The following PPARG variants were observed in gnomAD, a reference collection of about 807,000 sequenced individuals.
The protein encoded by PPARG is peroxisome proliferator-activated receptor gamma.
A neutral mutation model predicts 39.2 loss-of-function variants in PPARG; 17 were observed. The ratio of observed to expected loss-of-function variants is 0.43; its 90% CI spans 0.30 to 0.65. The LOEUF (loss-of-function observed/expected upper bound fraction) is 0.65, where lower values mean the gene tolerates loss of function less well. PPARG is among the 30% of genes least tolerant of loss of function. The probability of loss-of-function intolerance (pLI) is 0.13; values close to 1 mark genes in which losing one functional copy is unlikely to be tolerated. For synonymous variants in PPARG, 223 were observed against 215.7 expected (o/e 1.03, Z -0.30); for missense variants, 406 against 585.9 (o/e 0.69, Z 3.17).
intron 4 of PPARG, among the ~76,000 whole-genome samples, chr3:12,382,858 C>A (rs576043458): frequency 1.2e-4 from 19 of 152,114 alleles, no homozygotes; most frequent in Non-Finnish European, 2.4e-4. Flanking sequence ...GTAGTCCTAG[C>A]TTCTTGGGAG....
At chr3:12,429,413 G>A (rs2051573272) in intron 7 of PPARG, among the ~76,000 whole-genome samples, 1 of 152,188 alleles carries the variant, frequency 6.6e-6, no homozygotes, top group African/African-American at 2.4e-5. Context: ...GACCCCAGTG[G>A]TGCTGCTCAA....
At position 12,406,153 on chromosome 3, in the gene PPARG, T is replaced by C. The variant is rs983566208; in HGVS notation, c.729+72T>C. On this transcript the variant is annotated intron_variant, in intron 6 of 7. Transcript: ENST00000651735. ...TTGGGTTTTTGTTTCTTTGAGTAAA[T>C]GGTTTACTGCGCTACAAATGCACAC... The C allele has an allele frequency of 3.6e-6, 5 of 1,389,182 alleles. No homozygotes were observed. The African/African-American group carries it at 4.3e-5, about 12-fold the overall frequency. 86.1% of individuals were successfully genotyped at this position (1,389,182 alleles called of 1,614,324 possible). A position where few individuals can be genotyped will look rare whatever the true frequency, so the allele number is the denominator to read the frequency against.
At chr3:12,405,742 G>C (rs1348514518) in intron 5 of PPARG, 140 bp from the exon 6 acceptor site, 1 of 812,592 alleles carries the variant, frequency 1.2e-6, no homozygotes, top group Non-Finnish European at 2.0e-6. Flanking sequence ...CATGAGCAAA[G>C]TGGTAGACAG....
At chr3:12,288,993 G>T (rs934277869), upstream of PPARG, 1 of 152,376 alleles carries the variant, frequency 6.6e-6, no homozygotes, top group Non-Finnish European at 1.5e-5. Flanking sequence ...TTAGGGAGGA[G>T]CCTAAGGTAA....
At chr3:12,352,157 A>G (rs976632636) in intron 2 of PPARG, among the ~76,000 whole-genome samples, 1 of 152,168 alleles carries the variant, frequency 6.6e-6, no homozygotes, top group Admixed American at 6.5e-5. Flanking sequence ...TTGTGTGTGC[A>G]CTTCAGCTCT....
At chr3:12,306,575 A>G (rs2047069635) in intron 1 of PPARG, among the ~76,000 whole-genome samples, 4 of 152,198 alleles carry the variant, frequency 2.6e-5, no homozygotes, top group African/African-American at 2.4e-5. Context: ...TCCACATCCC[A>G]TCACCACCGC....
At chr3:12,319,188 A>G (rs1054102652) in intron 2 of PPARG, among the ~76,000 whole-genome samples, 2 of 152,218 alleles carry the variant, frequency 1.3e-5, no homozygotes, top group African/African-American at 4.8e-5. Context: ...TTTTGTCTGC[A>G]TCACAGAGAT....
chr3:12,318,893 C>T (rs907198297), intron 2 of PPARG, among the ~76,000 whole-genome samples: 7 of 151,410 alleles, frequency 4.6e-5, no homozygotes, highest in Non-Finnish European at 1.0e-4. Context: ...ACTTCTTGTT[C>T]TTCAGTCCAG....
intron 6 of PPARG, among the ~76,000 whole-genome samples, chr3:12,415,901 AAGG>A (rs2051039208): frequency 4.6e-5 from 7 of 152,228 alleles, no homozygotes. Flanking sequence ...ATTACCTGTG[AAGG>A]AGAACAAAGG....
intron 1 of PPARG, among the ~76,000 whole-genome samples, chr3:12,295,748 C>T (rs1033799070): frequency 3.3e-5 from 5 of 151,964 alleles, no homozygotes; most frequent in Admixed American, 3.3e-4. Flanking sequence ...CTCCTGACCT[C>T]AGGAGATCCA....
chr3:12,363,101 A>T (rs576753727), intron 2 of PPARG, among the ~76,000 whole-genome samples: 2 of 152,162 alleles, frequency 1.3e-5, no homozygotes, highest in African/African-American at 4.8e-5. Flanking sequence ...AAAAATTGTT[A>T]TAGAGACAGG....
At chr3:12,396,052 T>C (rs2050246035) in intron 5 of PPARG, among the ~76,000 whole-genome samples, 2 of 152,234 alleles carry the variant, frequency 1.3e-5, no homozygotes, top group African/African-American at 4.8e-5. Context: ...AAGTAGTCAT[T>C]TTTGTTTTAA....
intron 1 of PPARG, among the ~76,000 whole-genome samples, chr3:12,296,944 A>G (rs1159895137): frequency 2.6e-5 from 4 of 152,190 alleles, no homozygotes; most frequent in Non-Finnish European, 2.9e-5. Context: ...TTAAAATTCT[A>G]TAATTTCAAG....
chr3:12,409,345 C>G (rs1212658787), intron 6 of PPARG, among the ~76,000 whole-genome samples: 1 of 152,018 alleles, frequency 6.6e-6, no homozygotes, highest in Non-Finnish European at 1.5e-5. Context: ...TTGGCACCCT[C>G]TCTTCTCCTT....
In PPARG at chr3:12,416,691, G is replaced by A. The variant is rs565810389; in HGVS notation, c.730-13G>A. 9.9e-6 allele frequency: 16 copies of A among 1,611,004 alleles called. No homozygotes were observed. The Admixed American group carries it at 1.2e-4, about 12-fold the overall frequency. ...TCTCCAAGTCATCCACGTTTTCCCT[G>A]TTTTATTTGCAGCCATTCGTTATCT... On this transcript the variant is annotated splice_polypyrimidine_tract_variant and intron_variant, in intron 6 of 7. Transcript: ENST00000651735.
intron 2 of PPARG, among the ~76,000 whole-genome samples, chr3:12,350,253 G>A (rs748051749): frequency 1.7e-4 from 26 of 152,132 alleles, no homozygotes; most frequent in Non-Finnish European, 3.1e-4. Flanking sequence ...AACTTGGATT[G>A]CCTTAATAAA....
At chr3:12,422,868 T>A (rs2051311199) in intron 7 of PPARG, among the ~76,000 whole-genome samples, 2 of 143,462 alleles carry the variant, frequency 1.4e-5, no homozygotes, top group African/African-American at 2.7e-5. Context: ...GGCAACAGAG[T>A]GAGATCCTGT....
At chr3:12,407,522 A>G (rs1390919803) in intron 6 of PPARG, among the ~76,000 whole-genome samples, 1 of 152,168 alleles carries the variant, frequency 6.6e-6, no homozygotes, top group Non-Finnish European at 1.5e-5. Context: ...CAACGCTCCC[A>G]GGGCTGTAAG....
intron 1 of PPARG, among the ~76,000 whole-genome samples, chr3:12,307,422 A>G (rs935092060): frequency 4.6e-5 from 7 of 152,202 alleles, no homozygotes; most frequent in African/African-American, 1.7e-4. Context: ...GAGAATTGTA[A>G]TTTGACAGTA....
Sources: allele counts gnomAD v4.1 joint callset (sites outside exome capture counted in the v4.1 genomes callset), GRCh38; gene constraint gnomAD v4.1.1; transcripts MANE v1.5; gene names NCBI Gene and HGNC (gene_info 2026-07-23, HGNC 2026-07-21).